Variants in MELTF observed in about 807,000 individuals in gnomAD.
MELTF encodes antigen p97 (melanoma associated) identified by monoclonal antibodies 133.2 and 96.5.
A neutral mutation model predicts 83.7 loss-of-function variants in MELTF; 67 were observed. The observed-to-expected ratio is 0.80, with a 90% CI of 0.66 to 0.98. The LOEUF (loss-of-function observed/expected upper bound fraction) is 0.98, where lower values mean the gene tolerates loss of function less well. Ranked by LOEUF, MELTF falls within the 50% of genes least tolerant of loss-of-function variation. MELTF has a pLI of 0.00. For missense variants in MELTF, 1,002 were observed against 1,035.6 expected (o/e 0.97, Z 0.44); for synonymous variants, 462 against 447.6 (o/e 1.03, Z -0.41).
At chr3:197,019,610 C>T in intron 6 of MELTF, 1 of 1,594,120 alleles carries the variant, frequency 6.3e-7, no homozygotes, top group Non-Finnish European at 8.6e-7. Context: ...GATTCTTAAC[C>T]CAACATATCC....
chr3:197,015,973 C>A (rs952304569), intron 8 of MELTF, among the ~76,000 whole-genome samples: 14 of 152,294 alleles, frequency 9.2e-5, no homozygotes, highest in African/African-American at 2.4e-4. Flanking sequence ...GCATCCTCCC[C>A]CGCTGCGGCC....
In MELTF at chr3:197,026,695, C is replaced by T. The variant is rs1719870236; in HGVS notation, c.269G>A (p.Gly90Asp). 4 of 1,613,544 alleles carry T rather than the reference C, an allele frequency of 2.5e-6. No homozygotes were observed. Among genetic ancestry groups the T allele is most frequent in the Non-Finnish European group, 3.4e-6 (4 of 1,180,016 alleles). The change falls in exon 3 of 16, where the codon GGC becomes GAC. Residue 90 changes from glycine to aspartate, a missense_variant. Gly to Asp is a moderately conservative substitution (Grantham distance 94). Transcript: ENST00000296350. Reference protein sequence around the residue: ...GAIYEAGKEHGLKPVVGEVYD... With the variant: ...GAIYEAGKEHDLKPVVGEVYD... ...CACTTCGCCCACCACCGGCTTCAGG[C>T]CGTGCTCCTTTCCCGCCTCATAGAT...
chr3:197,022,990 A>T lies in MELTF; in HGVS notation c.611T>A (p.Leu204Gln). Reference sequence around the variant, plus strand: ...CCCGCTGTAGTCGTAGTATCTCTCCAGGGGGCTCTTGTCACACACCCCTTC... The same window carrying T: ...CCCGCTGTAGTCGTAGTATCTCTCCTGGGGGCTCTTGTCACACACCCCTTC... ...SGEGVCDKSP[L>Q]ERYYDYSGAF... is the part of the protein sequence containing the mutation. The change falls in exon 5 of 16, where the codon CTG (leucine) becomes CAG (glutamine). Residue 204 changes from leucine to glutamine, a missense_variant. Leu to Gln is a moderately radical substitution (Grantham distance 113). Transcript: ENST00000296350. The surrounding 1 kb of genome is among the most constrained non-coding windows in gnomAD (Gnocchi z 5.1). 1 of 1,613,162 alleles carries T rather than the reference A, an allele frequency of 6.2e-7. No homozygotes were observed.
intron 6 of MELTF, chr3:197,019,619 C>A (rs763297653): frequency 6.2e-7 from 1 of 1,608,658 alleles, no homozygotes; most frequent in Middle Eastern, 1.7e-4. Context: ...CCCAACATAT[C>A]CCTACTCTTT....
Position 197,024,306 on chromosome 3 carries a change from T to C in MELTF, c.484A>G (p.Lys162Glu). ...RLSVMGCDVL[K>E]AVSDYFGGSC... The stretch of plus-strand genomic sequence containing the variant: ...CTGCCCAGCCCAAAGCCCTCACCTT[T>C]GAGTACATCGCAGCCCATCACCGAG... The change falls in exon 4 of 16, where the codon AAA (lysine) becomes GAA (glutamate). Residue 162 changes from lysine to glutamate, a missense_variant. Coordinates refer to ENST00000296350, the MANE Select transcript of MELTF (RefSeq NM_005929.6). The surrounding 1 kb of genome is among the most constrained non-coding windows in gnomAD (Gnocchi z 5.3). The C allele has an allele frequency of 6.4e-7, 1 of 1,566,784 alleles. No individual in the cohort carries two copies. The highest frequency in any genetic ancestry group is 8.7e-7 in the Non-Finnish European group (1 of 1,152,334).
chr3:197,009,057 C>T, intron 11 of MELTF, 92 bp from the exon 12 acceptor site: 1 of 1,483,998 alleles, frequency 6.7e-7, no homozygotes, highest in East Asian at 2.3e-5. Context: ...TCTGCCCACC[C>T]CCCGGATCCT....
At chr3:197,027,423 G>A (rs539746115) in intron 2 of MELTF, among the ~76,000 whole-genome samples, 14 of 152,366 alleles carry the variant, frequency 9.2e-5, no homozygotes, top group African/African-American at 2.6e-4. Flanking sequence ...CCATTCTGGA[G>A]AGCCCCATGG....
At position 197,003,629 on chromosome 3, in the gene MELTF, C is replaced by T. The variant is rs1471642311; in HGVS notation, c.2138-178G>A. ...GCGCTCTTTCCAGAAAGGCAGCACA[C>T]GCATGTCTCTGCCGTGGCCCCAGAT... On this transcript the variant is annotated intron_variant, in intron 15 of 15. Transcript: ENST00000296350. The surrounding 1 kb of genome is among the most constrained non-coding windows in gnomAD (Gnocchi z 6.2). The T allele has an allele frequency of 1.5e-6, 1 of 654,852 alleles. No homozygotes were observed. The highest frequency in any genetic ancestry group is 2.5e-6 in the Non-Finnish European group (1 of 400,822). 40.6% of individuals were successfully genotyped at this position (654,852 alleles called of 1,614,324 possible). A position where few individuals can be genotyped will look rare whatever the true frequency, so the allele number is the denominator to read the frequency against.
At chr3:197,018,023 C>T (rs73208232) in intron 6 of MELTF, among the ~76,000 whole-genome samples, 27,915 of 152,216 alleles carry the variant, frequency 0.18, 2,654 homozygotes, top group Middle Eastern at 0.3. Context: ...GAAACAAACC[C>T]CGAAGGAATC....
intron 4 of MELTF, among the ~76,000 whole-genome samples, chr3:197,023,345 G>T (rs774752512): frequency 6.6e-6 from 1 of 152,210 alleles, no homozygotes; most frequent in South Asian, 2.1e-4. Flanking sequence ...AATGGTTCGG[G>T]GGAACTAAAC....
At position 197,024,038 on chromosome 3, in the gene MELTF, C is replaced by A; in HGVS notation, c.487+265G>T. Reference sequence around the variant, plus strand: ...ACTGCTTCCCACTCATGGGCTGGGCCTGTGCCTGGCTGTGCCATGTGGGAC... The same window carrying A: ...ACTGCTTCCCACTCATGGGCTGGGCATGTGCCTGGCTGTGCCATGTGGGAC... On this transcript the variant is annotated intron_variant, in intron 4 of 15. Transcript: ENST00000296350. This position sits in a 1 kb window ranked among gnomAD's most constrained non-coding sequence, Gnocchi z 5.3. 1 of 632,662 alleles carries A rather than the reference C, an allele frequency of 1.6e-6. No individual in the cohort carries two copies. Among genetic ancestry groups the A allele is most frequent in the South Asian group, 1.6e-5 (1 of 62,102 alleles). The allele number at this position is 632,662 out of a possible 1,614,324, so 39.2% of individuals were successfully genotyped here.
At chr3:197,018,861 G>T (rs565455576) in intron 6 of MELTF, 2 of 885,488 alleles carry the variant, frequency 2.3e-6, no homozygotes, top group Non-Finnish European at 2.7e-6. Flanking sequence ...TTTGTTTCTC[G>T]ATAGAAAAGA....
At position 197,029,075 on chromosome 3, in the gene MELTF, C is replaced by A. The variant is rs1276452436; in HGVS notation, c.49+579G>T. The stretch of plus-strand genomic sequence containing the variant: ...CCACAGCGGTGCCACGAACTCCATC[C>A]CCTCGGCGGTCGCCGCCCGCGATCC... On this transcript the variant is annotated intron_variant, in intron 1 of 15. Coordinates refer to ENST00000296350, the MANE Select transcript of MELTF (RefSeq NM_005929.6). This position sits in a 1 kb window ranked among gnomAD's most constrained non-coding sequence, Gnocchi z 6.5. 6.6e-6 allele frequency: 1 copy of A among 152,206 alleles called. No homozygotes were observed. Among genetic ancestry groups the A allele is most frequent in the Non-Finnish European group, 1.5e-5 (1 of 68,062 alleles). 9.4% of individuals were successfully genotyped at this position (152,206 alleles called of 1,614,324 possible).
At chr3:197,012,573 G>A (rs1719228073) in intron 9 of MELTF, among the ~76,000 whole-genome samples, 1 of 152,276 alleles carries the variant, frequency 6.6e-6, no homozygotes, top group Non-Finnish European at 1.5e-5. Context: ...GGGACCCCCT[G>A]AGCAGGCCCC....
chr3:197,010,772 G>C lies in MELTF; in HGVS notation c.1256C>G (p.Thr419Ser). ...RIQAEQVDAV[T>S]LSGEDIYTAG... Reference sequence around the variant, plus strand: ...CGTGTAAATGTCCTCGCCACTCAGGGTCACAGCGTCGACCTGCTCAGCCTG... The same window carrying C: ...CGTGTAAATGTCCTCGCCACTCAGGCTCACAGCGTCGACCTGCTCAGCCTG... Residue 419 changes from threonine (T) to serine (S), a missense_variant, in exon 10 of 16, where the codon ACC (threonine) becomes AGC (serine). Transcript: ENST00000296350. The C allele has an allele frequency of 6.2e-7, 1 of 1,613,638 alleles. No individual in the cohort carries two copies. Among genetic ancestry groups the C allele is most frequent in the Non-Finnish European group, 8.5e-7 (1 of 1,180,030 alleles).
In MELTF at chr3:197,009,818, G is replaced by A; in HGVS notation, c.1331-6C>T. 1 of 1,605,502 alleles carries A rather than the reference G, an allele frequency of 6.2e-7. No homozygotes were observed. Among genetic ancestry groups the A allele is most frequent in the Non-Finnish European group, 8.5e-7 (1 of 1,173,694 alleles). ...CGAGTTGCTGCTGTCTTCCGCTGGGGAGAGAGGGACTCACGTGAGGGGCCC... is the reference window on the plus strand; with the variant it reads ...CGAGTTGCTGCTGTCTTCCGCTGGGAAGAGAGGGACTCACGTGAGGGGCCC... On this transcript the variant is annotated splice_region_variant and splice_polypyrimidine_tract_variant and intron_variant, in intron 10 of 15. Coordinates refer to ENST00000296350, the MANE Select transcript of MELTF (RefSeq NM_005929.6).
rs545079964 is a variant in MELTF, at chr3:197,029,385, C to T, written c.49+269G>A. 4.3e-5 allele frequency: 16 copies of T among 371,364 alleles called. 1 individual carries two copies. In the Admixed American group the frequency reaches 6.4e-4, roughly 15 times the overall value. The allele number at this position is 371,364 out of a possible 1,614,324, so 23.0% of individuals were successfully genotyped here. ...TCCTCTCCACACCCCGAGGCCTCCC[C>T]ACCACGCCTCAGCCCGCGCTTCTCC... is the stretch of plus-strand genomic sequence containing the variant. On this transcript the variant is annotated intron_variant, in intron 1 of 15. Transcript: ENST00000296350. This position sits in a 1 kb window ranked among gnomAD's most constrained non-coding sequence, Gnocchi z 6.5.
At position 197,006,918 on chromosome 3, in the gene MELTF, G is replaced by A. The variant is rs1441231541; in HGVS notation, c.1751-182C>T. Among the ~76,000 whole-genome samples the A allele has an allele frequency of 6.6e-6, 1 of 152,204 alleles. No homozygotes were observed. Among genetic ancestry groups the A allele is most frequent in the Non-Finnish European group, 1.5e-5 (1 of 68,048 alleles). ...GTTACCGGGGTGAAAGAACCCAGCT[G>A]TGTTCATGCCATTAGCAGGAGCTGC... is the stretch of plus-strand genomic sequence containing the variant. On this transcript the variant is annotated intron_variant, in intron 13 of 15. Transcript: ENST00000296350. The surrounding 1 kb of genome is among the most constrained non-coding windows in gnomAD (Gnocchi z 5.4).
chr3:197,020,047 C>A (rs1186631679), intron 6 of MELTF, among the ~76,000 whole-genome samples: 1 of 152,114 alleles, frequency 6.6e-6, no homozygotes, highest in African/African-American at 2.4e-5. Flanking sequence ...ACTCATAGAA[C>A]TATCCTTCAA....
Sources: allele counts gnomAD v4.1 joint callset (sites outside exome capture counted in the v4.1 genomes callset), GRCh38; gene constraint gnomAD v4.1.1; non-coding constraint Gnocchi (gnomAD v3.1); transcripts MANE v1.5; gene names NCBI Gene and HGNC (gene_info 2026-07-23, HGNC 2026-07-21).